XKR6: variants seen among roughly 807,000 people sequenced by gnomAD.
XKR6 encodes the protein XK related 6.
In XKR6, 22 loss-of-function variants were observed where a neutral mutation model predicts 56.7. The ratio of observed to expected loss-of-function variants is 0.39; its 90% CI spans 0.28 to 0.55. XKR6 has a LOEUF of 0.55. XKR6 is among the 20% of genes least tolerant of loss of function. The pLI, the probability that XKR6 is intolerant of heterozygous loss-of-function variation, is 0.66. For missense variants in XKR6, 852 were observed against 889.0 expected, an observed-to-expected ratio of 0.96 and a Z score of 0.53; for synonymous variants, 524 against 387.8, an observed-to-expected ratio of 1.35 and a Z score of -4.13.
intron 1 of XKR6, among the ~76,000 whole-genome samples, chr8:10,950,217 A>G (rs1363790821): frequency 6.7e-6 from 1 of 149,644 alleles, no homozygotes; most frequent in Non-Finnish European, 1.5e-5. Flanking sequence ...TCCTGCTGCC[A>G]TTACCACCTG....
chr8:11,071,581 G>A (rs1003401094), intron 1 of XKR6, among the ~76,000 whole-genome samples: 1 of 147,068 alleles, frequency 6.8e-6, no homozygotes, highest in African/African-American at 2.6e-5. Flanking sequence ...CATGAGCCCC[G>A]AGTCCATGAG....
At chr8:10,951,304 G>T (rs148214231) in intron 1 of XKR6, among the ~76,000 whole-genome samples, 25,329 of 147,478 alleles carry the variant, frequency 0.17, 2,518 homozygotes, top group Middle Eastern at 0.25. Flanking sequence ...TGTGTGGGGG[G>T]GGGGGGCCCC....
chr8:11,117,106 C>G (rs531119089), intron 1 of XKR6, among the ~76,000 whole-genome samples: 1 of 152,252 alleles, frequency 6.6e-6, no homozygotes, highest in African/African-American at 2.4e-5. Flanking sequence ...AAAACAAATG[C>G]TATTTATTTA....
At chr8:10,994,958 A>G (rs1165346424) in intron 1 of XKR6, among the ~76,000 whole-genome samples, 2 of 152,212 alleles carry the variant, frequency 1.3e-5, no homozygotes, top group Non-Finnish European at 2.9e-5. Context: ...CACAAGTCCC[A>G]TCTTAGCCAA....
intron 2 of XKR6, among the ~76,000 whole-genome samples, chr8:10,906,516 A>T (rs998650570): frequency 2.0e-5 from 3 of 152,270 alleles, no homozygotes; most frequent in African/African-American, 7.2e-5. Flanking sequence ...TGCTGAAAAT[A>T]TGTACACAGG....
intron 1 of XKR6, among the ~76,000 whole-genome samples, chr8:10,976,992 A>G (rs1802587437): frequency 6.6e-6 from 1 of 151,960 alleles, no homozygotes; most frequent in Non-Finnish European, 1.5e-5. Flanking sequence ...CCATCCCACC[A>G]CAACACCGAG....
intron 1 of XKR6, chr8:11,175,604 TA>T (rs1463100939): frequency 1.3e-5 from 2 of 152,170 alleles, no homozygotes; most frequent in African/African-American, 4.8e-5. Flanking sequence ...AATCAAAAGT[TA>T]AGAAAAATAA....
At chr8:10,991,502 G>A (rs763923429) in intron 1 of XKR6, among the ~76,000 whole-genome samples, 9 of 152,154 alleles carry the variant, frequency 5.9e-5, no homozygotes, top group Non-Finnish European at 1.2e-4. Context: ...TGTTAAGGCC[G>A]GAACACGATG....
At chr8:10,903,543 C>T (rs1400966123) in intron 2 of XKR6, among the ~76,000 whole-genome samples, 1 of 152,134 alleles carries the variant, frequency 6.6e-6, no homozygotes, top group East Asian at 1.9e-4. Context: ...GCTCTAACCC[C>T]TAGGACCTCA....
chr8:11,175,931 C>T (rs578147034), intron 1 of XKR6, among the ~76,000 whole-genome samples: 7 of 152,288 alleles, frequency 4.6e-5, no homozygotes, highest in Non-Finnish European at 8.8e-5. Context: ...CTTTGGTCTT[C>T]TCAAAAGAAA....
chr8:10,950,088 G>A (rs1309070243), intron 1 of XKR6, among the ~76,000 whole-genome samples: 2 of 152,182 alleles, frequency 1.3e-5, no homozygotes, highest in Non-Finnish European at 2.9e-5. Flanking sequence ...GTGACACATG[G>A]CAGGATGGAT....
chr8:11,200,555 C>A lies in XKR6; in HGVS notation c.764+21G>T. The A allele has an allele frequency of 6.9e-7, 1 of 1,443,594 alleles. No homozygotes were observed. Among genetic ancestry groups the A allele is most frequent in the Non-Finnish European group, 9.0e-7 (1 of 1,107,680 alleles). 89.4% of individuals were successfully genotyped at this position (1,443,594 alleles called of 1,614,324 possible). ...GGGGGCTCCTCAGGGCCGGCCCGCC[C>A]CCACCCCGCAGTGCTCTTACCTCCA... On this transcript the variant is annotated intron_variant, in intron 1 of 2. Coordinates refer to ENST00000416569, the MANE Select transcript of XKR6 (RefSeq NM_173683.4). The surrounding 1 kb of genome is among the most constrained non-coding windows in gnomAD (Gnocchi z 6.4).
intron 1 of XKR6, among the ~76,000 whole-genome samples, chr8:11,146,153 A>G (rs1800971757): frequency 6.6e-6 from 1 of 152,238 alleles, no homozygotes; most frequent in Non-Finnish European, 1.5e-5. Context: ...AACACAATAA[A>G]GCAAAACCAG....
At position 11,130,260 on chromosome 8, in the gene XKR6, T is replaced by C. The variant is rs1422385467; in HGVS notation, c.764+70316A>G. On this transcript the variant is annotated intron_variant, in intron 1 of 2. Coordinates refer to ENST00000416569, the MANE Select transcript of XKR6 (RefSeq NM_173683.4). ...ATTTTTTTTAATGCTTCCAAAATGA[T>C]AGATTTTTCAGCAAATAGTTAAAAT... Among the ~76,000 whole-genome samples, 7 of 152,138 alleles carry C rather than the reference T, an allele frequency of 4.6e-5. No homozygotes were observed. In the South Asian group the frequency reaches 6.2e-4, roughly 13 times the overall value.
intron 1 of XKR6, among the ~76,000 whole-genome samples, chr8:11,090,627 G>A (rs1798035165): frequency 6.6e-6 from 1 of 152,028 alleles, no homozygotes; most frequent in African/African-American, 2.4e-5. Context: ...GCATTTTTCT[G>A]GATTGCTAAT....
intron 1 of XKR6, among the ~76,000 whole-genome samples, chr8:11,160,192 G>C (rs1057104632): frequency 6.7e-6 from 1 of 149,482 alleles, no homozygotes; most frequent in Admixed American, 6.6e-5. Flanking sequence ...GAAAATGTAC[G>C]TCAGAAACAA....
intron 1 of XKR6, among the ~76,000 whole-genome samples, chr8:11,161,617 C>T (rs1390985213): frequency 6.6e-6 from 1 of 152,186 alleles, no homozygotes; most frequent in African/African-American, 2.4e-5. Context: ...CAGATGTTTT[C>T]ATCTTTCTCA....
chr8:10,929,370 A>C (rs1234500625), intron 1 of XKR6, among the ~76,000 whole-genome samples: 1 of 152,240 alleles, frequency 6.6e-6, no homozygotes, highest in East Asian at 1.9e-4. Context: ...ACAGACAGCA[A>C]ACTGAAGCAC....
At chr8:11,032,531 A>G (rs916165051) in intron 1 of XKR6, among the ~76,000 whole-genome samples, 3 of 152,176 alleles carry the variant, frequency 2.0e-5, no homozygotes, top group African/African-American at 7.2e-5. Flanking sequence ...GTGAACATGA[A>G]AAAAATGTTG....
Sources: allele counts gnomAD v4.1 joint callset (sites outside exome capture counted in the v4.1 genomes callset), GRCh38; gene constraint gnomAD v4.1.1; non-coding constraint Gnocchi (gnomAD v3.1); transcripts MANE v1.5; gene names NCBI Gene and HGNC (gene_info 2026-07-23, HGNC 2026-07-21).